The following RAI14 variants were observed in gnomAD, a reference collection of about 807,000 sequenced individuals.
RAI14 encodes ankycorbin.
In RAI14, 45 loss-of-function variants were observed where a neutral mutation model predicts 115.4. That is an observed-to-expected ratio of 0.39 (90% confidence interval 0.31 to 0.50). The LOEUF is 0.50. Among genes scored for constraint, RAI14 ranks in the 20% least tolerant of loss-of-function variants. RAI14 has a pLI of 0.85. For synonymous variants in RAI14, 371 were observed against 415.4 expected (o/e 0.89, Z 1.30); for missense variants, 939 against 1,131.2 (o/e 0.83, Z 2.44).
chr5:34,814,679 T>A lies in RAI14; in HGVS notation c.939+10T>A. On this transcript the variant is annotated intron_variant, in intron 12 of 17. Transcript: ENST00000265109. ...TGAACCACCCTTCAAGGTATTTCCT[T>A]TCTGTATTCAGTTTTGTTACTGTAT... The A allele has an allele frequency of 6.3e-7, 1 of 1,584,484 alleles. No homozygotes were observed. The highest frequency in any genetic ancestry group is 8.7e-7 in the Non-Finnish European group (1 of 1,153,166).
intron 3 of RAI14, among the ~76,000 whole-genome samples, chr5:34,768,249 C>G (rs978958712): frequency 6.6e-6 from 1 of 151,940 alleles, no homozygotes; most frequent in Non-Finnish European, 1.5e-5. Context: ...AGAGGTTCTC[C>G]ATGAGCACCT....
intron 2 of RAI14, among the ~76,000 whole-genome samples, chr5:34,725,424 C>T (rs78939763): frequency 0.15 from 23,354 of 151,898 alleles, 2,182 homozygotes; most frequent in Non-Finnish European, 0.19. Context: ...GAAGAAGTCA[C>T]AAAGTACACT....
intron 2 of RAI14, among the ~76,000 whole-genome samples, chr5:34,701,110 G>A (rs1246095413): frequency 6.6e-6 from 1 of 152,044 alleles, no homozygotes; most frequent in Non-Finnish European, 1.5e-5. Context: ...TTTTTATCTT[G>A]CACAAATTCC....
intron 3 of RAI14, among the ~76,000 whole-genome samples, chr5:34,792,041 A>G (rs1752970654): frequency 6.6e-6 from 1 of 152,120 alleles, no homozygotes; most frequent in South Asian, 2.1e-4. Flanking sequence ...GCACAGCGCT[A>G]GTGACTATCT....
At chr5:34,729,760 G>A (rs923165190) in intron 2 of RAI14, among the ~76,000 whole-genome samples, 2 of 152,150 alleles carry the variant, frequency 1.3e-5, no homozygotes, top group Admixed American at 1.3e-4. Context: ...GCAGGAAGAA[G>A]AAACTCATAA....
chr5:34,749,056 TG>T (rs1416766446), intron 2 of RAI14, among the ~76,000 whole-genome samples: 1 of 152,188 alleles, frequency 6.6e-6, no homozygotes, highest in Non-Finnish European at 1.5e-5. Context: ...TTTCTTAAAA[TG>T]ATGAGGTGTG....
chr5:34,690,668 C>T lies in RAI14; in HGVS notation c.36+3713C>T, dbSNP rs1050468114. ...TTGGTAGGGAATGAGCCTGACTCTG[C>T]GGGCTGTGGTTAGACAGTGACATTG... On this transcript the variant is annotated intron_variant, in intron 2 of 17. Transcript: ENST00000265109. 3.9e-5 allele frequency among the ~76,000 whole-genome samples: 6 copies of T among 152,292 alleles called. No individual in the cohort carries two copies. The South Asian group carries it at 6.2e-4, about 16-fold the overall frequency.
In RAI14 at chr5:34,688,215, A is replaced by C. The variant is rs1738097783; in HGVS notation, c.36+1260A>C. On this transcript the variant is annotated intron_variant, in intron 2 of 17. Coordinates refer to ENST00000265109, the MANE Select transcript of RAI14 (RefSeq NM_015577.3). ...GCTGGCTGTATGTTATGCAGCCTAC[A>C]TATCTCCCGTGGCTTTCAGCTAAGG... is the stretch of plus-strand genomic sequence containing the variant. The C allele has an allele frequency of 1.9e-6, 3 of 1,551,442 alleles. No individual in the cohort carries two copies. The African/African-American group carries it at 4.1e-5, about 21-fold the overall frequency.
intron 2 of RAI14, among the ~76,000 whole-genome samples, chr5:34,753,643 T>C (rs1747445991): frequency 2.0e-5 from 3 of 151,576 alleles, no homozygotes; most frequent in Non-Finnish European, 4.4e-5. Flanking sequence ...GGGCCAGGTA[T>C]TGTGAGTCAC....
intron 2 of RAI14, among the ~76,000 whole-genome samples, chr5:34,738,461 C>A (rs979934619): frequency 6.6e-6 from 1 of 152,172 alleles, no homozygotes. Context: ...TTCATGGGAG[C>A]AGTGCCCTTT....
chr5:34,746,091 TC>T (rs368622381), intron 2 of RAI14, among the ~76,000 whole-genome samples: 10 of 49,302 alleles, frequency 2.0e-4, no homozygotes, highest in East Asian at 7.2e-4. Context: ...CACCACCCCC[TC>T]CCCCCCCCGC....
rs560197299 is a variant in RAI14 at position 34,718,525 on chromosome 5, A to G, written c.36+31570A>G. ...AAACTGTGTGTATGTAGCATATTAC[A>G]CACAATGGTGCTCAGGGATTCAGGA... On this transcript the variant is annotated intron_variant, in intron 2 of 17. Transcript: ENST00000265109. Among the ~76,000 whole-genome samples, 12 of 152,352 alleles carry G rather than the reference A, an allele frequency of 7.9e-5. No homozygotes were observed. The South Asian group carries it at 2.3e-3, about 29-fold the overall frequency.
intron 1 of RAI14, among the ~76,000 whole-genome samples, chr5:34,679,910 C>T (rs761158207): frequency 6.6e-6 from 1 of 150,848 alleles, no homozygotes; most frequent in Non-Finnish European, 1.5e-5. Flanking sequence ...CTGGGATCCA[C>T]GAGAGCCTTG....
At chr5:34,793,237 G>C (rs1580278566) in intron 3 of RAI14, among the ~76,000 whole-genome samples, 1 of 152,186 alleles carries the variant, frequency 6.6e-6, no homozygotes, top group Non-Finnish European at 1.5e-5. Flanking sequence ...TCCAAGTGAT[G>C]ATCCTGAAAC....
At chr5:34,702,352 C>T (rs75926814) in intron 2 of RAI14, among the ~76,000 whole-genome samples, 27,703 of 152,040 alleles carry the variant, frequency 0.18, 2,692 homozygotes, top group Non-Finnish European at 0.22. Flanking sequence ...GTGTGGTATG[C>T]GCTTGTATTC....
intron 2 of RAI14, 142 bp from the exon 3 acceptor site, chr5:34,757,326 G>T: frequency 1.1e-6 from 1 of 937,798 alleles, no homozygotes; most frequent in Non-Finnish European, 1.7e-6. Context: ...TGAAGGGGAA[G>T]GTATTTTAAA....
chr5:34,661,854 G>T (rs1435260964), intron 1 of RAI14, among the ~76,000 whole-genome samples: 1 of 152,148 alleles, frequency 6.6e-6, no homozygotes, highest in Non-Finnish European at 1.5e-5. Context: ...CTTGAGATGG[G>T]ATCTTGCTCT....
intron 2 of RAI14, among the ~76,000 whole-genome samples, chr5:34,747,901 AG>A (rs1215173085): frequency 2.0e-5 from 3 of 152,206 alleles, no homozygotes; most frequent in Non-Finnish European, 4.4e-5. Context: ...AGTCTAGTCC[AG>A]TGGAAGGTGG....
chr5:34,812,021 CAA>C (rs1755660161), intron 9 of RAI14, 76 bp downstream of exon 9: 3 of 1,331,640 alleles, frequency 2.3e-6, no homozygotes, highest in Non-Finnish European at 3.1e-6. Flanking sequence ...GGAATGTGTG[CAA>C]TATGATATAT....
Sources: gnomAD v4.1 joint callset for allele counts (sites outside exome capture counted in the v4.1 genomes callset) on GRCh38, gnomAD v4.1.1 for gene constraint, MANE v1.5 for transcripts, NCBI Gene and HGNC (gene_info 2026-07-23, HGNC 2026-07-21) for gene names.